SLC4A4: variants seen among roughly 807,000 people sequenced by gnomAD.
SLC4A4 encodes the protein electrogenic sodium bicarbonate cotransporter 1.
Under a neutral mutation model 111.5 loss-of-function variants are expected in SLC4A4, and 27 were observed. That is an observed-to-expected ratio of 0.24 (90% CI 0.18 to 0.33). The LOEUF is 0.33. SLC4A4 is among the 10% of genes least tolerant of loss of function. SLC4A4 has a pLI of 1.00. For synonymous variants in SLC4A4, 443 were observed against 463.4 expected, an observed-to-expected ratio of 0.96 and a Z score of 0.57; for missense variants, 909 against 1,315.5, an observed-to-expected ratio of 0.69 and a Z score of 4.78.
chr4:71,476,622 C>T (rs1728396123), intron 14 of SLC4A4, among the ~76,000 whole-genome samples: 1 of 151,688 alleles, frequency 6.6e-6, no homozygotes, highest in Admixed American at 6.6e-5. Flanking sequence ...GGCAACACTT[C>T]CTTTTCTCTT....
intron 2 of SLC4A4, among the ~76,000 whole-genome samples, chr4:71,133,096 T>G (rs550052535): frequency 2.0e-5 from 3 of 152,316 alleles, no homozygotes; most frequent in South Asian, 4.1e-4. Flanking sequence ...TTGTGCAAAT[T>G]TGGAAAATTT....
At chr4:71,262,799 TC>T (rs1369135583) in intron 3 of SLC4A4, among the ~76,000 whole-genome samples, 1 of 151,752 alleles carries the variant, frequency 6.6e-6, no homozygotes, top group Non-Finnish European at 1.5e-5. Flanking sequence ...TATTCCCCTT[TC>T]CCCCCGGGTG....
intron 2 of SLC4A4, among the ~76,000 whole-genome samples, chr4:71,171,624 T>C (rs1403614736): frequency 6.6e-6 from 1 of 152,248 alleles, no homozygotes; most frequent in Non-Finnish European, 1.5e-5. Flanking sequence ...TTACGTGCGG[T>C]GACTTCCATT....
intron 3 of SLC4A4, among the ~76,000 whole-genome samples, chr4:71,337,986 C>G (rs537207326): frequency 3.9e-5 from 6 of 151,918 alleles, no homozygotes; most frequent in East Asian, 3.9e-4. Flanking sequence ...CACGCCACCA[C>G]GCCTGGCTAA....
intron 7 of SLC4A4, among the ~76,000 whole-genome samples, chr4:71,439,135 G>T (rs1724432844): frequency 6.6e-6 from 1 of 151,714 alleles, no homozygotes; most frequent in East Asian, 1.9e-4. Context: ...AACAGCTCTT[G>T]TCAAGATCCC....
At chr4:71,162,961 G>A (rs546554142) in intron 2 of SLC4A4, among the ~76,000 whole-genome samples, 5 of 152,196 alleles carry the variant, frequency 3.3e-5, no homozygotes, top group Middle Eastern at 3.4e-3. Context: ...ACTATGGTTC[G>A]TCATGAGGAA....
At chr4:71,079,443 T>C (rs16845718) in intron 1 of SLC4A4, among the ~76,000 whole-genome samples, 1 of 152,000 alleles carries the variant, frequency 6.6e-6, no homozygotes, top group Non-Finnish European at 1.5e-5. Flanking sequence ...TCATCAAACC[T>C]TCAAGTACTA....
chr4:71,523,065 C>G (rs928963649), intron 16 of SLC4A4, among the ~76,000 whole-genome samples: 2 of 152,142 alleles, frequency 1.3e-5, no homozygotes, highest in African/African-American at 4.8e-5. Context: ...AATCAGATGA[C>G]ATCCCCATTC....
At chr4:71,185,763 TC>T (rs554321039), upstream of SLC4A4, among the ~76,000 whole-genome samples, 5 of 152,140 alleles carry the variant, frequency 3.3e-5, no homozygotes, top group East Asian at 9.6e-4. Flanking sequence ...AATTATTTCC[TC>T]CCTACCCTCA....
intron 3 of SLC4A4, among the ~76,000 whole-genome samples, chr4:71,297,416 C>G (rs2148834351): frequency 6.6e-6 from 1 of 152,052 alleles, no homozygotes; most frequent in African/African-American, 2.4e-5. Context: ...TAGAAACTGT[C>G]TGTCCTTTGT....
chr4:71,529,514 G>C (rs1733734113), intron 16 of SLC4A4, among the ~76,000 whole-genome samples: 2 of 151,988 alleles, frequency 1.3e-5, no homozygotes. Flanking sequence ...GGTTCAGTTT[G>C]CCATGTAGGT....
At chr4:71,309,577 G>A (rs1725967593) in intron 3 of SLC4A4, among the ~76,000 whole-genome samples, 1 of 152,168 alleles carries the variant, frequency 6.6e-6, no homozygotes, top group Non-Finnish European at 1.5e-5. Flanking sequence ...CAGACCTAGA[G>A]GAGAGGGGCC....
chr4:71,406,557 C>T (rs1275187941), intron 7 of SLC4A4, among the ~76,000 whole-genome samples: 2 of 152,076 alleles, frequency 1.3e-5, no homozygotes, highest in Non-Finnish European at 2.9e-5. Flanking sequence ...TTATCAGTCA[C>T]CAGCAGAGCT....
chr4:71,516,839 GTTC>G (rs1384670157), intron 16 of SLC4A4, among the ~76,000 whole-genome samples: 5 of 152,004 alleles, frequency 3.3e-5, no homozygotes, highest in African/African-American at 1.2e-4. Flanking sequence ...CATAATTTTG[GTTC>G]TTCTTTCTGG....
intron 3 of SLC4A4, among the ~76,000 whole-genome samples, chr4:71,299,592 A>G (rs1220746842): frequency 3.3e-5 from 5 of 152,206 alleles, no homozygotes; most frequent in Admixed American, 3.3e-4. Flanking sequence ...CCCAGGGCCA[A>G]TATTCTCTGA....
intron 2 of SLC4A4, among the ~76,000 whole-genome samples, chr4:71,113,969 C>T (rs1034073681): frequency 3.3e-5 from 5 of 152,112 alleles, no homozygotes; most frequent in African/African-American, 2.4e-5. Context: ...GCAAACAGGC[C>T]GGGCGCGGTG....
In SLC4A4 at chr4:71,225,645, C is replaced by T. The variant is rs376610305; in HGVS notation, c.-1-10931C>T. On this transcript the variant is annotated intron_variant, in intron 1 of 25. Coordinates refer to ENST00000264485, the MANE Select transcript of SLC4A4 (RefSeq NM_001098484.3). Reference sequence around the variant, plus strand: ...AGAGGTAGGAAGGTTTGCCTAAACCCGTTTCAGAAGGCATCTTCTCCAATG... The same window carrying T: ...AGAGGTAGGAAGGTTTGCCTAAACCTGTTTCAGAAGGCATCTTCTCCAATG... 1.3e-3 allele frequency among the ~76,000 whole-genome samples: 204 copies of T among 152,238 alleles called. 1 individual carries two copies. The highest frequency in any genetic ancestry group is 4.5e-3 in the African/African-American group (187 of 41,522).
At chr4:71,133,061 T>TA (rs1743750479) in intron 2 of SLC4A4, among the ~76,000 whole-genome samples, 1 of 152,160 alleles carries the variant, frequency 6.6e-6, no homozygotes, top group Non-Finnish European at 1.5e-5. Flanking sequence ...ATTTTTTTTT[T>TA]AACCAGGGTG....
At chr4:71,265,347 A>G (rs964568834) in intron 3 of SLC4A4, among the ~76,000 whole-genome samples, 1 of 152,186 alleles carries the variant, frequency 6.6e-6, no homozygotes, top group Non-Finnish European at 1.5e-5. Flanking sequence ...AAGAAAAAAC[A>G]ACCTGGAGAC....
Sources: gnomAD v4.1 joint callset for allele counts (sites outside exome capture counted in the v4.1 genomes callset) on GRCh38, gnomAD v4.1.1 for gene constraint, MANE v1.5 for transcripts, NCBI Gene and HGNC (gene_info 2026-07-23, HGNC 2026-07-21) for gene names.